The following GABRR2 variants were observed in gnomAD, a reference collection of about 807,000 sequenced individuals.
The protein encoded by GABRR2 is gamma-aminobutyric acid type A receptor subunit rho2.
A neutral mutation model predicts 47.0 loss-of-function variants in GABRR2; 36 were observed. The observed-to-expected ratio is 0.77, with a 90% confidence interval of 0.59 to 1.01. The LOEUF (loss-of-function observed/expected upper bound fraction) is 1.01, where lower values mean the gene tolerates loss of function less well. Ranked by LOEUF, GABRR2 falls within the 50% of genes least tolerant of loss-of-function variation. GABRR2 has a pLI of 0.00. For synonymous variants in GABRR2, 204 were observed against 227.5 expected (o/e 0.90, Z 0.93); for missense variants, 587 against 594.6 (o/e 0.99, Z 0.13).
At chr6:89,295,767 C>T (rs1292462177) in intron 2 of GABRR2, among the ~76,000 whole-genome samples, 1 of 151,754 alleles carries the variant, frequency 6.6e-6, no homozygotes, top group Admixed American at 6.6e-5. Context: ...TTAGGTCTAA[C>T]ATTTAAGTCT....
chr6:89,261,453 C>T (rs927212334), intron 8 of GABRR2, among the ~76,000 whole-genome samples: 10 of 152,214 alleles, frequency 6.6e-5, no homozygotes, highest in Non-Finnish European at 1.5e-4. Flanking sequence ...ACCTTAAAAA[C>T]TGAGTTCCCA....
intron 4 of GABRR2, among the ~76,000 whole-genome samples, 173 bp from the exon 5 acceptor site, chr6:89,268,269 T>C (rs554930692): frequency 6.6e-5 from 10 of 152,388 alleles, no homozygotes; most frequent in African/African-American, 2.4e-4. Flanking sequence ...TTTTGTCTTC[T>C]GTAGTAGAGT....
rs181951690 is a variant in GABRR2, at chr6:89,275,356, C to T, written c.221-3634G>A. On this transcript the variant is annotated intron_variant, in intron 2 of 8. Coordinates refer to ENST00000402938, the MANE Select transcript of GABRR2 (RefSeq NM_002043.5). ...TGGCATGATCTCGGCTCACTGCAAC[C>T]TCTACCTCCCGGGTTCAAGCGATTC... is the stretch of plus-strand genomic sequence containing the variant. Among the ~76,000 whole-genome samples the T allele has an allele frequency of 2.2e-4, 33 of 152,250 alleles. No homozygotes were observed. The East Asian group carries it at 5.8e-3, about 27-fold the overall frequency.
rs1158527260 is a variant in GABRR2 at position 89,295,686 on chromosome 6, A to T, written c.220+4073T>A. On this transcript the variant is annotated intron_variant, in intron 2 of 8. Coordinates refer to ENST00000402938, the MANE Select transcript of GABRR2 (RefSeq NM_002043.5). ...GTTGCCATTGCTTTTGGTGTTTTAG[A>T]CATGAAGTCCTTGCCCATGCCTATG... Among the ~76,000 whole-genome samples, 3 of 151,456 alleles carry T rather than the reference A, an allele frequency of 2.0e-5. No individual in the cohort carries two copies. In the East Asian group the frequency reaches 5.8e-4, roughly 29 times the overall value.
At chr6:89,273,542 C>T (rs1198387251) in intron 2 of GABRR2, among the ~76,000 whole-genome samples, 1 of 152,202 alleles carries the variant, frequency 6.6e-6, no homozygotes, top group African/African-American at 2.4e-5. Flanking sequence ...CCTGCATTCT[C>T]TTTTTATTCC....
chr6:89,289,899 A>C (rs1774405927), intron 2 of GABRR2, among the ~76,000 whole-genome samples: 1 of 152,176 alleles, frequency 6.6e-6, no homozygotes, highest in Non-Finnish European at 1.5e-5. Context: ...AACATAGCAG[A>C]GAAGCAGAAG....
chr6:89,260,082 A>T (rs1773712549), intron 8 of GABRR2, among the ~76,000 whole-genome samples: 1 of 150,982 alleles, frequency 6.6e-6, no homozygotes, highest in African/African-American at 2.4e-5. Flanking sequence ...TCATTTTTGT[A>T]TTTTTTGTAA....
chr6:89,267,921 C>T (rs998622982), intron 5 of GABRR2, 93 bp downstream of exon 5: 27 of 1,569,052 alleles, frequency 1.7e-5, no homozygotes, highest in African/African-American at 1.2e-4. Flanking sequence ...TAGGTCTTAA[C>T]GCTGGCGGGC....
intron 2 of GABRR2, among the ~76,000 whole-genome samples, chr6:89,297,853 G>GA (rs1041675609): frequency 3.3e-5 from 5 of 150,776 alleles, no homozygotes; most frequent in Admixed American, 1.3e-4. Context: ...ACTCCGTCTC[G>GA]AAAAAAAAAG....
chr6:89,313,286 G>T (rs1384263362), intron 1 of GABRR2, among the ~76,000 whole-genome samples: 2 of 152,190 alleles, frequency 1.3e-5, no homozygotes, highest in Non-Finnish European at 2.9e-5. Flanking sequence ...AGTTGTTTCT[G>T]AGAAGCCCTG....
intron 6 of GABRR2, among the ~76,000 whole-genome samples, chr6:89,266,810 C>G (rs1165928546): frequency 6.6e-6 from 1 of 152,038 alleles, no homozygotes; most frequent in African/African-American, 2.4e-5. Context: ...AACCTTTATT[C>G]TATTTCTCTC....
At chr6:89,271,983 G>T (rs1774063446) in intron 2 of GABRR2, among the ~76,000 whole-genome samples, 1 of 152,204 alleles carries the variant, frequency 6.6e-6, no homozygotes, top group Non-Finnish European at 1.5e-5. Flanking sequence ...GAATCAATGA[G>T]CTGATCACCA....
At chr6:89,284,866 G>A (rs917882470) in intron 2 of GABRR2, among the ~76,000 whole-genome samples, 1 of 152,200 alleles carries the variant, frequency 6.6e-6, no homozygotes, top group Non-Finnish European at 1.5e-5. Context: ...TTAGTAGAGT[G>A]TCTGAGGTGG....
At chr6:89,259,893 TTTTTTGTTTTTTTTG>T (rs1562344829) in intron 8 of GABRR2, among the ~76,000 whole-genome samples, 10 of 148,024 alleles carry the variant, frequency 6.8e-5, no homozygotes, top group African/African-American at 2.5e-4. Context: ...CTTTTTTTTT[TTTTTTGTTTTTTTTG>T]TTTTTTTTGT....
At chr6:89,295,690 GAAGTCC>G (rs1449564808) in intron 2 of GABRR2, among the ~76,000 whole-genome samples, 1 of 151,970 alleles carries the variant, frequency 6.6e-6, no homozygotes, top group Non-Finnish European at 1.5e-5. Flanking sequence ...TTTTAGACAT[GAAGTCC>G]TTGCCCATGC....
intron 2 of GABRR2, among the ~76,000 whole-genome samples, chr6:89,275,486 C>G (rs1774142742): frequency 6.6e-6 from 1 of 152,100 alleles, no homozygotes; most frequent in Non-Finnish European, 1.5e-5. Flanking sequence ...CTTGGCCAGG[C>G]TGGTCTGAAA....
intron 2 of GABRR2, among the ~76,000 whole-genome samples, chr6:89,292,804 CGTATATACGATATATCGTAT>C (rs749399458): frequency 3.7e-4 from 6 of 16,292 alleles, no homozygotes; most frequent in African/African-American, 2.5e-3. Context: ...TCGTATATAT[CGTATATACGATATATCGTAT>C]ATATCGTATA....
At chr6:89,307,190 T>TGATTTAAAAACCCAG (rs1170099230) in intron 1 of GABRR2, among the ~76,000 whole-genome samples, 2 of 152,198 alleles carry the variant, frequency 1.3e-5, no homozygotes, top group African/African-American at 4.8e-5. Context: ...TCATCTCAAG[T>TGATTTAAAAACCCAG]GGCTTTTAAA....
intron 2 of GABRR2, among the ~76,000 whole-genome samples, chr6:89,287,235 G>A (rs544514597): frequency 2.0e-5 from 3 of 152,334 alleles, no homozygotes; most frequent in Non-Finnish European, 4.4e-5. Context: ...AAGGGGGCAC[G>A]AGGGTCTCTG....
Sources: gnomAD v4.1 joint callset for allele counts (sites outside exome capture counted in the v4.1 genomes callset) on GRCh38, gnomAD v4.1.1 for gene constraint, MANE v1.5 for transcripts, NCBI Gene and HGNC (gene_info 2026-07-23, HGNC 2026-07-21) for gene names.